CALB2: variants seen among roughly 807,000 people sequenced by gnomAD.
CALB2 encodes calbindin 2, also known as calretinin.
A neutral mutation model predicts 45.9 loss-of-function variants in CALB2; 34 were observed. The observed-to-expected ratio is 0.74, with a 90% CI of 0.56 to 0.99. The LOEUF (loss-of-function observed/expected upper bound fraction) is 0.99. CALB2 is among the 50% of genes least tolerant of loss of function. The pLI is 0.00. For missense variants in CALB2, 344 were observed against 339.3 expected (o/e 1.01, Z -0.11); for synonymous variants, 142 against 129.6 (o/e 1.10, Z -0.65).
At position 71,376,650 on chromosome 16, in the gene CALB2, CACAT is replaced by C. The variant is rs879211003; in HGVS notation, c.262-1013_262-1010del. ...GCACCCACATGCAACCACATGTGCC[CACAT>C]ACAGCCATATACACCCACATACAAC... On this transcript the variant is annotated intron_variant, in intron 3 of 10. Coordinates refer to ENST00000302628, the MANE Select transcript of CALB2 (RefSeq NM_001740.5). Among the ~76,000 whole-genome samples the C allele has an allele frequency of 1.2e-4, 18 of 152,138 alleles. No individual in the cohort carries two copies. The South Asian group carries it at 1.2e-3, about 11-fold the overall frequency.
chr16:71,367,282 T>G (rs914126822), intron 1 of CALB2, among the ~76,000 whole-genome samples: 2 of 152,172 alleles, frequency 1.3e-5, no homozygotes, highest in African/African-American at 4.8e-5. Context: ...ATGGTTGCCA[T>G]GGTAACCACG....
intron 4 of CALB2, among the ~76,000 whole-genome samples, chr16:71,382,027 AG>A (rs2042498531): frequency 9.5e-6 from 1 of 104,962 alleles, no homozygotes; most frequent in Non-Finnish European, 1.9e-5. Context: ...GAGGAGGAGG[AG>A]GAGGAGGAGG....
Position 71,368,423 on chromosome 16 carries a change from G to A in CALB2, c.95-3730G>A, listed in dbSNP as rs138655266. On this transcript the variant is annotated intron_variant, in intron 1 of 10. Transcript: ENST00000302628. ...ACTTGGGAGGCTGAGGTGGGAGGAC[G>A]GCTTGAACCCAGGACATTAGGCTGC... Among the ~76,000 whole-genome samples, 417 of 152,276 alleles carry A rather than the reference G, an allele frequency of 2.7e-3. 1 individual carries two copies. Among genetic ancestry groups the A allele is most frequent in the Middle Eastern group, 0.02 (6 of 294 alleles).
chr16:71,385,724 G>A (rs769028909), intron 10 of CALB2, 76 bp downstream of exon 10: 2 of 1,214,752 alleles, frequency 1.6e-6, no homozygotes, highest in Non-Finnish European at 2.4e-6. Context: ...GAGGGGAAAG[G>A]TGCCTGGTCC....
intron 3 of CALB2, among the ~76,000 whole-genome samples, chr16:71,375,273 A>C (rs1183802674): frequency 2.6e-5 from 4 of 152,276 alleles, no homozygotes; most frequent in Non-Finnish European, 5.9e-5. Flanking sequence ...TTTGCATATA[A>C]CATAATTTAC....
At chr16:71,385,728 C>A in intron 10 of CALB2, 80 bp downstream of exon 10, 1 of 1,124,232 alleles carries the variant, frequency 8.9e-7, no homozygotes, top group Non-Finnish European at 1.3e-6. Context: ...GGAAAGGTGC[C>A]TGGTCCTGCT....
chr16:71,387,394 A>C (rs1054905945), intron 10 of CALB2, among the ~76,000 whole-genome samples: 1 of 151,822 alleles, frequency 6.6e-6, no homozygotes, highest in African/African-American at 2.4e-5. Context: ...GGATTGAGAG[A>C]GTGAATGAGT....
At chr16:71,371,044 C>T (rs1407662310) in intron 1 of CALB2, among the ~76,000 whole-genome samples, 1 of 152,202 alleles carries the variant, frequency 6.6e-6, no homozygotes, top group African/African-American at 2.4e-5. Context: ...TAATGGAACT[C>T]AGTAACAACA....
At chr16:71,385,292 C>T in intron 9 of CALB2, 1 of 399,520 alleles carries the variant, frequency 2.5e-6, no homozygotes, top group Non-Finnish European at 4.5e-6. Context: ...TTAAATAGCC[C>T]CCGGACTCAG....
At chr16:71,362,071 G>A (rs1019217171) in intron 1 of CALB2, among the ~76,000 whole-genome samples, 3 of 152,180 alleles carry the variant, frequency 2.0e-5, no homozygotes, top group African/African-American at 4.8e-5. Flanking sequence ...GGGCTCTTCC[G>A]AACATCACCT....
chr16:71,385,945 TGC>T (rs1364246872), intron 10 of CALB2, among the ~76,000 whole-genome samples: 1 of 152,196 alleles, frequency 6.6e-6, no homozygotes, highest in Non-Finnish European at 1.5e-5. Context: ...ATATTGCACA[TGC>T]GTGGCCACCT....
chr16:71,382,855 G>A lies in CALB2; in HGVS notation c.399+80G>A, dbSNP rs572449666. ...CCTGAGGAGGGAGGAGATGTTGGAT[G>A]AGGGGCATGAGTTTGCGGGCTGCTT... On this transcript the variant is annotated intron_variant, in intron 5 of 10. Transcript: ENST00000302628. The A allele has an allele frequency of 1.5e-4, 188 of 1,272,298 alleles. 2 individuals carry two copies. The South Asian group carries it at 2.5e-3, about 17-fold the overall frequency. The allele number at this position is 1,272,298 out of a possible 1,614,324, so 78.8% of individuals were successfully genotyped here.
chr16:71,373,212 C>T (rs1320861468), intron 2 of CALB2, among the ~76,000 whole-genome samples: 1 of 152,172 alleles, frequency 6.6e-6, no homozygotes, highest in Non-Finnish European at 1.5e-5. Flanking sequence ...TCTCTACTCT[C>T]CCCTGCTGCG....
chr16:71,379,961 GT>G (rs2042467069), intron 4 of CALB2, among the ~76,000 whole-genome samples: 1 of 152,166 alleles, frequency 6.6e-6, no homozygotes, highest in Non-Finnish European at 1.5e-5. Flanking sequence ...TCTGTTCTTA[GT>G]CCTTCTCTAG....
rs191147935 is a variant in CALB2 at position 71,384,087 on chromosome 16, G to A, written c.533+62G>A. The A allele has an allele frequency of 6.3e-5, 97 of 1,545,812 alleles. No homozygotes were observed. The East Asian group carries it at 1.7e-3, about 28-fold the overall frequency. On this transcript the variant is annotated intron_variant, in intron 7 of 10. Transcript: ENST00000302628. The stretch of plus-strand genomic sequence containing the variant: ...CCCACAGGTCATTCCTGTGTTATCC[G>A]TCTCTGAGATCCATTGGTGGGAAAG...
chr16:71,363,010 C>A (rs928634261), intron 1 of CALB2, among the ~76,000 whole-genome samples: 1 of 151,876 alleles, frequency 6.6e-6, no homozygotes. Context: ...TGAGACCCCC[C>A]CTCCCCCTAC....
intron 1 of CALB2, among the ~76,000 whole-genome samples, chr16:71,369,198 C>A (rs1383861465): frequency 6.6e-6 from 1 of 152,174 alleles, no homozygotes; most frequent in East Asian, 1.9e-4. Flanking sequence ...AGGCTCGCTG[C>A]AGGCCAGCGC....
chr16:71,388,334 CAAA>C (rs71153632), intron 10 of CALB2, among the ~76,000 whole-genome samples: 10 of 103,392 alleles, frequency 9.7e-5, no homozygotes, highest in South Asian at 6.1e-4. Flanking sequence ...GACCTTATCT[CAAA>C]AAAAAAAAAA....
chr16:71,371,769 C>T (rs577688177), intron 1 of CALB2, among the ~76,000 whole-genome samples: 3 of 152,294 alleles, frequency 2.0e-5, no homozygotes, highest in South Asian at 2.1e-4. Context: ...CAACCCGCTA[C>T]ACCTTCTGAA....
Sources: allele counts gnomAD v4.1 joint callset (sites outside exome capture counted in the v4.1 genomes callset), GRCh38; gene constraint gnomAD v4.1.1; transcripts MANE v1.5; gene names NCBI Gene and HGNC (gene_info 2026-07-23, HGNC 2026-07-21).